PLA2G4A: variants seen among roughly 807,000 people sequenced by gnomAD.
PLA2G4A encodes cytosolic phospholipase A2.
Under a neutral mutation model 81.9 loss-of-function variants are expected in PLA2G4A, and 40 were observed. The ratio of observed to expected loss-of-function variants is 0.49; its 90% CI spans 0.38 to 0.64. The LOEUF is 0.64. Ranked by LOEUF, PLA2G4A falls within the 30% of genes least tolerant of loss-of-function variation. PLA2G4A has a pLI of 0.00. For missense variants in PLA2G4A, 715 were observed against 905.1 expected (o/e 0.79, Z 2.69); for synonymous variants, 302 against 296.9 (o/e 1.02, Z -0.18).
intron 13 of PLA2G4A, among the ~76,000 whole-genome samples, chr1:186,953,766 G>T (rs1442294962): frequency 6.6e-6 from 1 of 152,148 alleles, no homozygotes; most frequent in Non-Finnish European, 1.5e-5. Context: ...TGACTGTTGG[G>T]TTTGTCCCAC....
At chr1:186,862,743 T>C (rs1398694191) in intron 2 of PLA2G4A, among the ~76,000 whole-genome samples, 1 of 152,114 alleles carries the variant, frequency 6.6e-6, no homozygotes, top group Non-Finnish European at 1.5e-5. Context: ...CTAAACCAAA[T>C]AAATATGACT....
At chr1:186,864,069 A>C (rs1043728173) in intron 2 of PLA2G4A, among the ~76,000 whole-genome samples, 2 of 152,116 alleles carry the variant, frequency 1.3e-5, no homozygotes, top group Non-Finnish European at 2.9e-5. Context: ...CTGACCGCAA[A>C]TATGTAACTA....
intron 8 of PLA2G4A, among the ~76,000 whole-genome samples, chr1:186,934,604 A>T (rs557738983): frequency 1.3e-5 from 2 of 151,880 alleles, no homozygotes; most frequent in East Asian, 3.9e-4. Context: ...TCTTATTTCC[A>T]TAAAGATCAG....
chr1:186,910,470 A>G (rs1242028449), intron 6 of PLA2G4A, among the ~76,000 whole-genome samples: 2 of 152,156 alleles, frequency 1.3e-5, no homozygotes, highest in Non-Finnish European at 2.9e-5. Flanking sequence ...AGTACATCAC[A>G]TGTTTACTCT....
chr1:186,959,268 C>G (rs1656863307), intron 14 of PLA2G4A, among the ~76,000 whole-genome samples: 1 of 151,988 alleles, frequency 6.6e-6, no homozygotes, highest in Admixed American at 6.5e-5. Flanking sequence ...AGTTGTACAC[C>G]ACCTTGTCGA....
chr1:186,959,561 A>G (rs997546430), intron 14 of PLA2G4A, among the ~76,000 whole-genome samples: 9 of 152,180 alleles, frequency 5.9e-5, no homozygotes, highest in Non-Finnish European at 1.3e-4. Context: ...AATTTAGTTC[A>G]GTCAGTTCAC....
chr1:186,979,059 T>TG (rs1657629952), intron 16 of PLA2G4A, among the ~76,000 whole-genome samples: 1 of 152,198 alleles, frequency 6.6e-6, no homozygotes, highest in Admixed American at 6.5e-5. Flanking sequence ...TCCAGCCTGC[T>TG]GTGAGTGGGT....
intron 13 of PLA2G4A, among the ~76,000 whole-genome samples, chr1:186,954,319 T>G (rs1439216900): frequency 6.6e-6 from 1 of 152,082 alleles, no homozygotes; most frequent in Non-Finnish European, 1.5e-5. Flanking sequence ...AAACCATCAT[T>G]CTCAGCAAAC....
At chr1:186,901,235 A>G (rs1299026663) in intron 5 of PLA2G4A, among the ~76,000 whole-genome samples, 1 of 152,234 alleles carries the variant, frequency 6.6e-6, no homozygotes, top group Admixed American at 6.5e-5. Flanking sequence ...ATGTGGCTCA[A>G]GTAATTCCTG....
At chr1:186,831,186 A>G (rs916855898) in intron 1 of PLA2G4A, among the ~76,000 whole-genome samples, 2 of 152,122 alleles carry the variant, frequency 1.3e-5, no homozygotes, top group African/African-American at 4.8e-5. Flanking sequence ...AGAAGTTCAC[A>G]AATCCCCAAA....
At chr1:186,943,439 A>T (rs1045881341) in intron 10 of PLA2G4A, among the ~76,000 whole-genome samples, 1 of 152,250 alleles carries the variant, frequency 6.6e-6, no homozygotes, top group African/African-American at 2.4e-5. Flanking sequence ...TAGAAGTACA[A>T]ATATAGTATT....
chr1:186,884,694 A>G (rs556650912), intron 3 of PLA2G4A, among the ~76,000 whole-genome samples: 53 of 152,094 alleles, frequency 3.5e-4, no homozygotes, highest in Admixed American at 2.2e-3. Flanking sequence ...CCTGGACAAC[A>G]TGGTAAAACC....
At chr1:186,829,102 T>C (rs1289081390) in intron 1 of PLA2G4A, 67 bp downstream of exon 1, 1 of 152,168 alleles carries the variant, frequency 6.6e-6, no homozygotes, top group Non-Finnish European at 1.5e-5. Flanking sequence ...CCCACCCTCC[T>C]TAGCTTTTAC....
At position 186,946,847 on chromosome 1, in the gene PLA2G4A, TTC is replaced by T. The variant is rs1553218705; in HGVS notation, c.1172-20_1172-19del. 3 of 1,599,904 alleles carry T rather than the reference TTC, an allele frequency of 1.9e-6. No homozygotes were observed. Among genetic ancestry groups the T allele is most frequent in the East Asian group, 2.2e-5 (1 of 44,762 alleles). ...GAAACCTGGGATATTTTAAGTTATT[TTC>T]TGTTTCTGTTTTATTTTAGGTGTCT... On this transcript the variant is annotated intron_variant, in intron 11 of 17. Coordinates refer to ENST00000367466, the MANE Select transcript of PLA2G4A (RefSeq NM_024420.3).
At chr1:186,869,526 G>C (rs78119233) in intron 2 of PLA2G4A, among the ~76,000 whole-genome samples, 1 of 152,092 alleles carries the variant, frequency 6.6e-6, no homozygotes, top group East Asian at 1.9e-4. Context: ...TACTACTGCT[G>C]GTCCTTATCA....
chr1:186,949,039 A>ATCAGGTAAC (rs1656440117), intron 12 of PLA2G4A, among the ~76,000 whole-genome samples: 1 of 152,178 alleles, frequency 6.6e-6, no homozygotes, highest in Non-Finnish European at 1.5e-5. Context: ...TTGGGCTACA[A>ATCAGGTAAC]TCAGGTAACT....
Position 186,850,899 on chromosome 1 carries a change from A to T in PLA2G4A, c.-69-3387A>T, listed in dbSNP as rs75277333. On this transcript the variant is annotated intron_variant, in intron 1 of 17. Coordinates refer to ENST00000367466, the MANE Select transcript of PLA2G4A (RefSeq NM_024420.3). ...TTTAAGTGGCAAATATATAAAAAAA[A>T]CTTATTTTCTACTGTCACAACAATA... 9.2e-3 allele frequency among the ~76,000 whole-genome samples: 1,407 copies of T among 152,234 alleles called. 27 individuals carry two copies. Among genetic ancestry groups the T allele is most frequent in the African/African-American group, 0.032 (1,342 of 41,562 alleles).
chr1:186,971,715 T>C (rs986243907), intron 15 of PLA2G4A, among the ~76,000 whole-genome samples: 1 of 152,022 alleles, frequency 6.6e-6, no homozygotes, highest in Non-Finnish European at 1.5e-5. Context: ...CAAAGTAGAA[T>C]TGTTAAATTG....
intron 7 of PLA2G4A, among the ~76,000 whole-genome samples, chr1:186,917,990 C>T (rs111492165): frequency 2.0e-5 from 3 of 152,166 alleles, no homozygotes; most frequent in African/African-American, 7.2e-5. Flanking sequence ...TGAGTGGTTT[C>T]GTGCATGGCC....
Sources: gnomAD v4.1 joint callset for allele counts (sites outside exome capture counted in the v4.1 genomes callset) on GRCh38, gnomAD v4.1.1 for gene constraint, MANE v1.5 for transcripts, NCBI Gene and HGNC (gene_info 2026-07-23, HGNC 2026-07-21) for gene names.